The following SRPX2 variants were observed in gnomAD, a reference collection of about 807,000 sequenced individuals.
The protein encoded by SRPX2 is sushi repeat containing protein X-linked 2, also known as sushi repeat-containing protein SRPX2.
SRPX2 carries 26 observed loss-of-function variants against 45.3 expected under a neutral mutation model. That is an observed-to-expected ratio of 0.57 (90% CI 0.42 to 0.80). The LOEUF is 0.80. SRPX2 is among the 30% of genes least tolerant of loss of function. The pLI is 0.00. For missense variants in SRPX2, 355 were observed against 399.8 expected (o/e 0.89, Z 0.95); for synonymous variants, 125 against 143.7 (o/e 0.87, Z 0.93).
At chrX:100,650,495 T>C (rs2083149286) in intron 2 of SRPX2, among the ~76,000 whole-genome samples, 2 of 111,642 alleles carry the variant, frequency 1.8e-5, no homozygotes, top group African/African-American at 6.5e-5. Flanking sequence ...ACAGGATTGA[T>C]GTATGGTCAG....
intron 4 of SRPX2, among the ~76,000 whole-genome samples, chrX:100,663,313 A>C (rs1324880449): frequency 8.9e-6 from 1 of 112,203 alleles, no homozygotes; most frequent in African/African-American, 3.2e-5. Flanking sequence ...GTAAAGTACA[A>C]GTGAACACAA....
rs767909979 is a variant in SRPX2, at chrX:100,673,579, C to G, written c.*2592C>G. On this transcript the variant is annotated 3_prime_UTR_variant, in exon 11 of 11. Transcript: ENST00000373004. ...ATTCCTCTCCCCTATTTCTCTGTCTCTCTCTCTCTCACATACACACACACT... is the reference window on the plus strand; with the variant it reads ...ATTCCTCTCCCCTATTTCTCTGTCTGTCTCTCTCTCACATACACACACACT... The G allele has an allele frequency of 9.0e-5, 10 of 111,493 alleles. No homozygotes were observed. Among genetic ancestry groups the G allele is most frequent in the African/African-American group, 2.6e-4 (8 of 30,624 alleles). The allele number at this position is 111,493 out of a possible 1,213,427, so 9.2% of individuals were successfully genotyped here. A position where few individuals can be genotyped will look rare whatever the true frequency, so the allele number is the denominator to read the frequency against.
Position 100,650,814 on chromosome X carries a change from A to G in SRPX2, c.112A>G (p.Asn38Asp), listed in dbSNP as rs758109307. The change falls in exon 3 of 11, where the codon AAT (asparagine) becomes GAT (aspartate). Residue 38 changes from asparagine to aspartate, a missense_variant. Asn to Asp is a conservative substitution (Grantham distance 23). Coordinates refer to ENST00000373004, the MANE Select transcript of SRPX2 (RefSeq NM_014467.3). The part of the protein sequence containing the change: ...GSGYYPDESY[N>D]EVYAEEVPQA... ...TGGCTACTATCCGGATGAAAGCTAC[A>G]ATGAAGTATATGCAGAGGAGGTCCC... 2 of 1,211,024 alleles carry G rather than the reference A, an allele frequency of 1.7e-6. No homozygotes were observed. Among genetic ancestry groups the G allele is most frequent in the African/African-American group, 1.7e-5 (1 of 57,738 alleles).
chrX:100,664,989 G>C (rs1474110734), intron 5 of SRPX2, 39 bp downstream of exon 5: 5 of 1,191,246 alleles, frequency 4.2e-6, no homozygotes, highest in Non-Finnish European at 4.5e-6. Context: ...GGTGCAAAGA[G>C]CCACCCCAGC....
intron 9 of SRPX2, 110 bp downstream of exon 9, chrX:100,667,517 T>G: frequency 1.0e-6 from 1 of 975,746 alleles, no homozygotes; most frequent in Non-Finnish European, 1.5e-6. Flanking sequence ...CTGAAACTTT[T>G]TGTGGATAGC....
intron 3 of SRPX2, among the ~76,000 whole-genome samples, chrX:100,658,950 T>A (rs905057774): frequency 8.9e-5 from 10 of 112,029 alleles, no homozygotes; most frequent in African/African-American, 3.2e-4. Context: ...CAGCCACTTA[T>A]GAATTTTTAA....
intron 2 of SRPX2, among the ~76,000 whole-genome samples, chrX:100,650,000 T>A (rs908952472): frequency 8.9e-6 from 1 of 112,066 alleles, no homozygotes; most frequent in Non-Finnish European, 1.9e-5. Context: ...AACATACTGT[T>A]TAGTCTCCCA....
chrX:100,653,303 C>G (rs2083159331), intron 3 of SRPX2, among the ~76,000 whole-genome samples: 1 of 111,594 alleles, frequency 9.0e-6, no homozygotes, highest in Non-Finnish European at 1.9e-5. Flanking sequence ...ACACTACCAT[C>G]ATTCTCTTAG....
In SRPX2 at chrX:100,662,186, G is replaced by C. The variant is rs1354537844; in HGVS notation, c.174G>C (p.Trp58Cys). The C allele has an allele frequency of 4.1e-6, 5 of 1,209,072 alleles. No individual in the cohort carries two copies. The highest frequency in any genetic ancestry group is 5.6e-6 in the Non-Finnish European group (5 of 894,865). The part of the protein sequence containing the change: ...APALDYRVPR[W>C]CYTLNIQDGE... Reference sequence around the variant, plus strand: ...CTTCTATTGCTACAGTCCCCCGATGGTGTTATACATTAAATATCCAGGATG... The same window carrying C: ...CTTCTATTGCTACAGTCCCCCGATGCTGTTATACATTAAATATCCAGGATG... Residue 58 changes from tryptophan to cysteine, a missense_variant, in exon 4 of 11, where the codon TGG becomes TGC. Coordinates refer to ENST00000373004, the MANE Select transcript of SRPX2 (RefSeq NM_014467.3).
chrX:100,660,148 TTTTTA>T (rs1487574812), intron 3 of SRPX2, among the ~76,000 whole-genome samples: 10 of 111,936 alleles, frequency 8.9e-5, no homozygotes, highest in African/African-American at 3.2e-4. Context: ...ATCCTTTAAA[TTTTTA>T]TTTTAAACAT....
At chrX:100,653,082 G>A (rs1475989874) in intron 3 of SRPX2, among the ~76,000 whole-genome samples, 2 of 111,133 alleles carry the variant, frequency 1.8e-5, no homozygotes, top group African/African-American at 6.6e-5. Flanking sequence ...TCTGGTCAGA[G>A]CTGAAACTGG....
Position 100,665,628 on chromosome X carries a change from C to A in SRPX2, c.752C>A (p.Ala251Asp), listed in dbSNP as rs1488765320. 2 of 1,211,817 alleles carry A rather than the reference C, an allele frequency of 1.7e-6. No individual in the cohort carries two copies. Among genetic ancestry groups the A allele is most frequent in the Non-Finnish European group, 2.2e-6 (2 of 895,511 alleles). Residue 251 changes from alanine (A) to aspartate (D), a missense_variant, in exon 7 of 11, where the codon GCC becomes GAC. Transcript: ENST00000373004. ...YTAYDRAYNR[A>D]SCKFIVKVQV... Reference sequence around the variant, plus strand: ...GCCTATGACCGAGCCTACAACCGGGCCAGCTGCAAGTTCATTGTGAAAGTA... The same window carrying A: ...GCCTATGACCGAGCCTACAACCGGGACAGCTGCAAGTTCATTGTGAAAGTA...
In SRPX2 at chrX:100,666,850, A is replaced by C; in HGVS notation, c.878A>C (p.Asp293Ala). The C allele has an allele frequency of 8.3e-7, 1 of 1,211,698 alleles. No individual in the cohort carries two copies. The highest frequency in any genetic ancestry group is 1.1e-6 in the Non-Finnish European group (1 of 895,536). ...NYGATCEYHC[D>A]GGYDRQGTPS... ...GGTGCCACCTGTGAATACCACTGTGATGGCGGTTATGATCGCCAGGGGACA... is the reference window on the plus strand; with the variant it reads ...GGTGCCACCTGTGAATACCACTGTGCTGGCGGTTATGATCGCCAGGGGACA... Residue 293 changes from aspartate (D) to alanine (A), a missense_variant, in exon 8 of 11, where the codon GAT becomes GCT. Asp to Ala is a moderately radical substitution (Grantham distance 126). Transcript: ENST00000373004.
At chrX:100,669,416 C>CGGGGGGGGGGGGGGGG in intron 10 of SRPX2, 47 bp downstream of exon 10, 1 of 104,450 alleles carries the variant, frequency 9.6e-6, no homozygotes. Context: ...GGGGCTGGGG[C>CGGGGGGGGGGGGGGGG]GGGGGGAGAA....
intron 3 of SRPX2, among the ~76,000 whole-genome samples, chrX:100,660,386 T>C (rs945190738): frequency 4.5e-4 from 51 of 112,351 alleles, no homozygotes; most frequent in African/African-American, 1.6e-3. Context: ...ATTTTTGTTA[T>C]ATAAATGGAA....
rs1399431708 is a variant in SRPX2 at position 100,673,939 on chromosome X, T to C, written c.*2952T>C. ...CACATAAAAAGCATTTGATATATAT[T>C]AATGCCCTTTTGCACAAGAGGTCAA... On this transcript the variant is annotated 3_prime_UTR_variant, in exon 11 of 11. Transcript: ENST00000373004. 8.9e-6 allele frequency: 1 copy of C among 112,046 alleles called. No homozygotes were observed. The highest frequency in any genetic ancestry group is 3.2e-5 in the African/African-American group (1 of 30,804). The allele number at this position is 112,046 out of a possible 1,213,427, so 9.2% of individuals were successfully genotyped here.
intron 3 of SRPX2, among the ~76,000 whole-genome samples, chrX:100,659,403 T>C (rs1197192112): frequency 8.9e-6 from 1 of 111,951 alleles, no homozygotes; most frequent in African/African-American, 3.2e-5. Flanking sequence ...ACCTTTATAT[T>C]TCCCTTTACC....
Position 100,671,109 on chromosome X carries a change from G to A in SRPX2, c.*122G>A. 1 of 818,258 alleles carries A rather than the reference G, an allele frequency of 1.2e-6. No individual in the cohort carries two copies. The highest frequency in any genetic ancestry group is 1.8e-6 in the Non-Finnish European group (1 of 565,877). The allele number at this position is 818,258 out of a possible 1,213,427, so 67.4% of individuals were successfully genotyped here. A position where few individuals can be genotyped will look rare whatever the true frequency, so the allele number is the denominator to read the frequency against. On this transcript the variant is annotated 3_prime_UTR_variant, in exon 11 of 11. Coordinates refer to ENST00000373004, the MANE Select transcript of SRPX2 (RefSeq NM_014467.3). ...AGGGACAGGACTCTGAGGTGGGTGA[G>A]TTTGACAAATCCTGCGGTGTTTCCA...
At chrX:100,651,718 G>A (rs1260077599) in intron 3 of SRPX2, among the ~76,000 whole-genome samples, 1 of 105,582 alleles carries the variant, frequency 9.5e-6, no homozygotes, top group Non-Finnish European at 1.9e-5. Flanking sequence ...GGAGGTGGAG[G>A]TTGCAGTGAG....
Sources: allele counts gnomAD v4.1 joint callset (sites outside exome capture counted in the v4.1 genomes callset), GRCh38; gene constraint gnomAD v4.1.1; transcripts MANE v1.5; gene names NCBI Gene and HGNC (gene_info 2026-07-23, HGNC 2026-07-21).